Variants in CCDC171 observed in about 807,000 individuals in gnomAD.
CCDC171 encodes the protein coiled-coil domain containing 171, also known as coiled-coil domain-containing protein 171.
CCDC171 carries 177 observed loss-of-function variants against 168.2 expected under a neutral mutation model. The ratio of observed to expected loss-of-function variants is 1.05; its 90% CI spans 0.93 to 1.19. The LOEUF is 1.19. Ranked by LOEUF, CCDC171 falls within the 50% of genes most tolerant of loss-of-function variation. The pLI, the probability that CCDC171 is intolerant of heterozygous loss-of-function variation, is 0.00. For synonymous variants in CCDC171, 687 were observed against 540.8 expected, an observed-to-expected ratio of 1.27 and a Z score of -3.75; for missense variants, 1,991 against 1,539.0, an observed-to-expected ratio of 1.29 and a Z score of -4.91.
chr9:15,803,688 G>C (rs964455288), intron 21 of CCDC171, among the ~76,000 whole-genome samples: 1 of 152,054 alleles, frequency 6.6e-6, no homozygotes, highest in African/African-American at 2.4e-5. Flanking sequence ...TTTGAAGTCA[G>C]GTAGCATGAT....
At chr9:15,554,928 A>AT (rs1456741914) in intron 1 of CCDC171, among the ~76,000 whole-genome samples, 1 of 152,208 alleles carries the variant, frequency 6.6e-6, no homozygotes, top group Non-Finnish European at 1.5e-5. Context: ...AGTATCTGGC[A>AT]TATAGTAAGT....
At chr9:15,826,644 A>G (rs2060024584) in intron 21 of CCDC171, among the ~76,000 whole-genome samples, 1 of 152,196 alleles carries the variant, frequency 6.6e-6, no homozygotes, top group Non-Finnish European at 1.5e-5. Flanking sequence ...CAGCTCAGCT[A>G]GGGTCTCTTG....
intron 7 of CCDC171, 50 bp downstream of exon 7, chr9:15,623,463 A>ACACGCGCGCGCGCGCGCGCG: frequency 3.2e-6 from 2 of 633,912 alleles, no homozygotes; most frequent in South Asian, 3.8e-5. Context: ...ACTTTCACAT[A>ACACGCGCGCGCGCGCGCGCG]TGCGCGCGCG....
At chr9:15,712,445 C>G (rs924957760) in intron 11 of CCDC171, among the ~76,000 whole-genome samples, 3 of 152,116 alleles carry the variant, frequency 2.0e-5, no homozygotes, top group East Asian at 3.9e-4. Flanking sequence ...CATAGTAAGA[C>G]CAGTGAATCC....
chr9:16,086,080 C>T, the CCDC171 span, among the ~76,000 whole-genome samples: 1 of 152,018 alleles, frequency 6.6e-6, no homozygotes, highest in Admixed American at 6.6e-5. Flanking sequence ...TCCGTCTGGT[C>T]CTGGACTTTT....
intron 18 of CCDC171, among the ~76,000 whole-genome samples, chr9:15,752,198 A>T (rs1006652414): frequency 1.3e-5 from 2 of 152,250 alleles, no homozygotes; most frequent in Non-Finnish European, 2.9e-5. Context: ...TCAAAACCAC[A>T]ACGAGTTACC....
chr9:15,628,032 T>G (rs2045317293), intron 7 of CCDC171, among the ~76,000 whole-genome samples: 1 of 152,020 alleles, frequency 6.6e-6, no homozygotes, highest in Non-Finnish European at 1.5e-5. Context: ...GTTAAAAGGT[T>G]TCACTGGGGA....
At chr9:15,556,922 G>T (rs865993095) in intron 1 of CCDC171, among the ~76,000 whole-genome samples, 1 of 152,220 alleles carries the variant, frequency 6.6e-6, no homozygotes, top group Admixed American at 6.5e-5. Flanking sequence ...TTTGTGTAAG[G>T]TATAAGGAAG....
intron 20 of CCDC171, among the ~76,000 whole-genome samples, chr9:15,781,315 A>C (rs2057656157): frequency 1.3e-5 from 2 of 152,210 alleles, no homozygotes; most frequent in Non-Finnish European, 2.9e-5. Flanking sequence ...TCCTCTTGTA[A>C]GAGCTTTGAA....
chr9:15,568,571 T>A (rs563657552), intron 2 of CCDC171, among the ~76,000 whole-genome samples: 10 of 152,168 alleles, frequency 6.6e-5, no homozygotes, highest in Admixed American at 1.3e-4. Flanking sequence ...CACCCAGCCT[T>A]ATTTTTTGAC....
chr9:15,610,754 T>TCAC (rs971506205), intron 6 of CCDC171, among the ~76,000 whole-genome samples: 70 of 152,268 alleles, frequency 4.6e-4, no homozygotes, highest in Non-Finnish European at 3.2e-4. Flanking sequence ...ACACAGGGTC[T>TCAC]CACTGTGTTG....
chr9:15,555,311 C>G (rs908408743), intron 1 of CCDC171, among the ~76,000 whole-genome samples: 2 of 152,102 alleles, frequency 1.3e-5, no homozygotes, highest in Non-Finnish European at 2.9e-5. Flanking sequence ...ACATAAAAAG[C>G]TAATTTGAAC....
At chr9:16,095,343 C>T in the CCDC171 span, among the ~76,000 whole-genome samples, 3 of 152,160 alleles carry the variant, frequency 2.0e-5, no homozygotes, top group African/African-American at 7.2e-5. Context: ...GGTCAAACTG[C>T]TCTGGGGAAG....
chr9:15,594,063 G>C lies in CCDC171; in HGVS notation c.566G>C (p.Arg189Pro). The C allele has an allele frequency of 6.3e-7, 1 of 1,591,176 alleles. No individual in the cohort carries two copies. The highest frequency in any genetic ancestry group is 1.1e-5 in the South Asian group (1 of 87,422). ...TLQEALEKHQREKNEMESHIR... is the reference protein window; with the variant it reads ...TLQEALEKHQPEKNEMESHIR... Reference sequence around the variant, plus strand: ...AAGGAAGCGTTGGAAAAACATCAACGGGAGAAGAATGAGATGGAGTCTCAT... The same window carrying C: ...AAGGAAGCGTTGGAAAAACATCAACCGGAGAAGAATGAGATGGAGTCTCAT... Residue 189 changes from arginine to proline, a missense_variant, in exon 6 of 26, where the codon CGG becomes CCG. By Grantham distance (103) the Arg-to-Pro change is moderately radical (BLOSUM62 -2). Transcript: ENST00000380701.
chr9:15,723,698 A>G lies in CCDC171; in HGVS notation c.1443A>G (p.Glu481=). Residue 481 remains glutamate (E), a synonymous_variant, in exon 13 of 26, where the codon GAA becomes GAG. Coordinates refer to ENST00000380701, the MANE Select transcript of CCDC171 (RefSeq NM_173550.4). ...ATGTTAAGGAAAAGGCATGTAATGA[A>G]CTTGATTCTACGAAACAGAAGATAG... The part of the protein sequence containing the change: ...DASNEEKACN[E]LDSTKQKIDS... 6.3e-7 allele frequency: 1 copy of G among 1,592,992 alleles called. No homozygotes were observed. Among genetic ancestry groups the G allele is most frequent in the Non-Finnish European group, 8.6e-7 (1 of 1,166,710 alleles).
At chr9:15,633,559 CTTTTACACTGT>C (rs1230859362) in intron 7 of CCDC171, among the ~76,000 whole-genome samples, 1 of 152,072 alleles carries the variant, frequency 6.6e-6, no homozygotes, top group Non-Finnish European at 1.5e-5. Flanking sequence ...AATAGGAACA[CTTTTACACTGT>C]TGGTGGGACT....
rs1361725346 is a variant in CCDC171 at position 15,910,180 on chromosome 9, A to G, written c.3601-10090A>G. ...TTCCATGGTATATATGTGCACACAC[A>G]CACACACACACACACACACACCATA... is the stretch of plus-strand genomic sequence containing the variant. On this transcript the variant is annotated intron_variant, in intron 24 of 25. Transcript: ENST00000380701. Among the ~76,000 whole-genome samples the G allele has an allele frequency of 5.7e-3, 836 of 147,120 alleles. 6 individuals carry two copies. The highest frequency in any genetic ancestry group is 8.7e-3 in the Non-Finnish European group (586 of 67,514).
chr9:15,764,854 C>T (rs2056638865), intron 18 of CCDC171, among the ~76,000 whole-genome samples: 1 of 152,126 alleles, frequency 6.6e-6, no homozygotes, highest in Non-Finnish European at 1.5e-5. Flanking sequence ...GCATTCCACC[C>T]AGATTTTGGC....
chr9:15,612,534 A>T (rs934419194), intron 6 of CCDC171, among the ~76,000 whole-genome samples: 1 of 152,122 alleles, frequency 6.6e-6, no homozygotes, highest in Non-Finnish European at 1.5e-5. Flanking sequence ...CTGCAGTCTC[A>T]CTTTTCATCT....
Sources: allele counts gnomAD v4.1 joint callset (sites outside exome capture counted in the v4.1 genomes callset), GRCh38; gene constraint gnomAD v4.1.1; transcripts MANE v1.5; gene names NCBI Gene and HGNC (gene_info 2026-07-23, HGNC 2026-07-21).